LDLRAD4: variants seen among roughly 807,000 people sequenced by gnomAD.
The protein encoded by LDLRAD4 is low-density lipoprotein receptor class A domain-containing protein 4.
LDLRAD4 carries 5 observed loss-of-function variants against 17.0 expected under a neutral mutation model. The ratio of observed to expected loss-of-function variants is 0.29; its 90% CI spans 0.15 to 0.62. The LOEUF is 0.62. Ranked by LOEUF, LDLRAD4 falls within the 20% of genes least tolerant of loss-of-function variation. The probability of loss-of-function intolerance (pLI) is 0.84; values close to 1 mark genes in which losing one functional copy is unlikely to be tolerated. For synonymous variants in LDLRAD4, 168 were observed against 171.8 expected (o/e 0.98, Z 0.17); for missense variants, 340 against 424.7 (o/e 0.80, Z 1.75).
chr18:13,515,204 C>G (rs1601006192), intron 3 of LDLRAD4: 1 of 152,194 alleles, frequency 6.6e-6, no homozygotes, highest in Admixed American at 6.5e-5. Flanking sequence ...ACAACACTGG[C>G]GTGCATTCTT....
upstream of LDLRAD4, among the ~76,000 whole-genome samples, chr18:13,273,570 G>T (rs2044686103): frequency 6.6e-6 from 1 of 152,140 alleles, no homozygotes; most frequent in Non-Finnish European, 1.5e-5. Flanking sequence ...GGAATTCCAG[G>T]TGTGAGCTGC....
chr18:13,555,191 G>C (rs1157753602), intron 3 of LDLRAD4, among the ~76,000 whole-genome samples: 1 of 152,146 alleles, frequency 6.6e-6, no homozygotes, highest in Non-Finnish European at 1.5e-5. Flanking sequence ...CATCCTGGGT[G>C]GGATCCTGGG....
At chr18:13,431,641 G>A (rs1295889630) in intron 2 of LDLRAD4, among the ~76,000 whole-genome samples, 4 of 152,144 alleles carry the variant, frequency 2.6e-5, no homozygotes, top group Non-Finnish European at 5.9e-5. Flanking sequence ...CATCTTTTCA[G>A]CACCATAATG....
intron 3 of LDLRAD4, among the ~76,000 whole-genome samples, chr18:13,535,746 G>T (rs2094193299): frequency 1.3e-5 from 2 of 152,098 alleles, no homozygotes; most frequent in Admixed American, 1.3e-4. Context: ...ATGTCACAAA[G>T]ATTTTCTCCC....
At chr18:13,603,527 T>C (rs1167869657) in intron 3 of LDLRAD4, among the ~76,000 whole-genome samples, 1 of 152,264 alleles carries the variant, frequency 6.6e-6, no homozygotes, top group Non-Finnish European at 1.5e-5. Context: ...AACCTTTCTG[T>C]GCCTCTATTC....
intron 3 of LDLRAD4, among the ~76,000 whole-genome samples, chr18:13,456,365 T>G (rs924729466): frequency 1.3e-5 from 2 of 152,202 alleles, no homozygotes; most frequent in African/African-American, 4.8e-5. Flanking sequence ...CCTTCCCTCC[T>G]GCTCCCTGTG....
intron 1 of LDLRAD4, among the ~76,000 whole-genome samples, chr18:13,334,021 T>A (rs2081988425): frequency 6.6e-6 from 1 of 152,232 alleles, no homozygotes; most frequent in South Asian, 2.1e-4. Flanking sequence ...TATTGAGTAT[T>A]CCTATCCATG....
chr18:13,607,794 C>CATA (rs2095239107), intron 3 of LDLRAD4, among the ~76,000 whole-genome samples: 1 of 152,224 alleles, frequency 6.6e-6, no homozygotes, highest in Non-Finnish European at 1.5e-5. Flanking sequence ...TTTATGGCTG[C>CATA]ATAGTATTCC....
intron 2 of LDLRAD4, among the ~76,000 whole-genome samples, chr18:13,434,301 G>T (rs1223447799): frequency 1.3e-5 from 2 of 150,506 alleles, no homozygotes; most frequent in African/African-American, 4.9e-5. Flanking sequence ...AAAGAGGAAT[G>T]CCACTTTCTT....
chr18:13,465,923 CACTA>C (rs2092601699), intron 3 of LDLRAD4, among the ~76,000 whole-genome samples: 1 of 152,122 alleles, frequency 6.6e-6, no homozygotes, highest in Non-Finnish European at 1.5e-5. Flanking sequence ...TTTTCCTTAT[CACTA>C]ACTATATATT....
At chr18:13,447,240 G>T (rs1358297921) in intron 3 of LDLRAD4, among the ~76,000 whole-genome samples, 1 of 151,222 alleles carries the variant, frequency 6.6e-6, no homozygotes, top group Non-Finnish European at 1.5e-5. Context: ...CCTCTCTCTG[G>T]GTTCGCCACG....
intron 3 of LDLRAD4, among the ~76,000 whole-genome samples, chr18:13,609,101 A>C (rs1431398031): frequency 6.6e-6 from 1 of 152,242 alleles, no homozygotes; most frequent in Non-Finnish European, 1.5e-5. Context: ...ATGAGGGAGG[A>C]GAGAGTGCCG....
At chr18:13,356,941 C>T (rs980672649) in intron 1 of LDLRAD4, among the ~76,000 whole-genome samples, 69 of 152,176 alleles carry the variant, frequency 4.5e-4, no homozygotes, top group Non-Finnish European at 8.7e-4. Flanking sequence ...CAAGACCAGC[C>T]TGGCCAACAT....
intron 3 of LDLRAD4, among the ~76,000 whole-genome samples, chr18:13,439,698 G>C (rs1415097156): frequency 6.6e-6 from 1 of 152,214 alleles, no homozygotes; most frequent in East Asian, 1.9e-4. Context: ...GTGCTACTTA[G>C]TGCATGGAAC....
intron 4 of LDLRAD4, among the ~76,000 whole-genome samples, chr18:13,636,998 A>G (rs1032043186): frequency 2.0e-5 from 3 of 151,930 alleles, no homozygotes; most frequent in African/African-American, 7.3e-5. Flanking sequence ...GAGTTTCACC[A>G]TGTTGGCCAG....
intron 2 of LDLRAD4, among the ~76,000 whole-genome samples, chr18:13,427,763 A>C (rs1420104560): frequency 6.6e-6 from 1 of 152,266 alleles, no homozygotes; most frequent in East Asian, 1.9e-4. Context: ...CCATGTGGCC[A>C]GTAACTTTAA....
intron 3 of LDLRAD4, among the ~76,000 whole-genome samples, chr18:13,557,377 A>G (rs2094494689): frequency 1.3e-5 from 2 of 152,124 alleles, no homozygotes; most frequent in Non-Finnish European, 1.5e-5. Context: ...CTCAAACACT[A>G]GTGCCTAAGG....
At chr18:13,516,519 A>G (rs6505819) in intron 3 of LDLRAD4, among the ~76,000 whole-genome samples, 49,325 of 152,094 alleles carry the variant, frequency 0.32, 8,475 homozygotes, top group Middle Eastern at 0.53. Flanking sequence ...GCCCTCCTTC[A>G]CAAATGTGTG....
intron 4 of LDLRAD4, among the ~76,000 whole-genome samples, chr18:13,633,262 C>T (rs770927305): frequency 3.9e-5 from 6 of 152,244 alleles, no homozygotes; most frequent in East Asian, 1.9e-4. Context: ...GGTCCATGGA[C>T]GGCCACAGGC....
Sources: gnomAD v4.1 joint callset for allele counts (sites outside exome capture counted in the v4.1 genomes callset) on GRCh38, gnomAD v4.1.1 for gene constraint, MANE v1.5 for transcripts, NCBI Gene and HGNC (gene_info 2026-07-23, HGNC 2026-07-21) for gene names.